ARHGEF10L: variants seen among roughly 807,000 people sequenced by gnomAD.
ARHGEF10L encodes the protein Rho guanine nucleotide exchange factor 10 like.
ARHGEF10L carries 69 observed loss-of-function variants against 141.2 expected under a neutral mutation model. The ratio of observed to expected loss-of-function variants is 0.49; its 90% CI spans 0.40 to 0.60. The LOEUF (loss-of-function observed/expected upper bound fraction) is 0.60. Ranked by LOEUF, ARHGEF10L falls within the 20% of genes least tolerant of loss-of-function variation. ARHGEF10L has a pLI of 0.00. For missense variants in ARHGEF10L, 1,482 were observed against 1,734.3 expected, an observed-to-expected ratio of 0.85 and a Z score of 2.58; for synonymous variants, 711 against 718.5, an observed-to-expected ratio of 0.99 and a Z score of 0.17.
At chr1:17,675,720 G>T (rs979587586) in intron 26 of ARHGEF10L, among the ~76,000 whole-genome samples, 5 of 149,428 alleles carry the variant, frequency 3.3e-5, no homozygotes, top group African/African-American at 1.2e-4. Context: ...GCAGGCCTGT[G>T]TGCAGGTGTG....
chr1:17,555,512 T>C (rs747097424), intron 1 of ARHGEF10L, among the ~76,000 whole-genome samples: 26 of 152,146 alleles, frequency 1.7e-4, no homozygotes, highest in Non-Finnish European at 3.2e-4. Context: ...CACACCACCA[T>C]GCCCAGATAA....
At chr1:17,624,099 G>A (rs903852841) in intron 12 of ARHGEF10L, among the ~76,000 whole-genome samples, 6 of 152,194 alleles carry the variant, frequency 3.9e-5, no homozygotes, top group Non-Finnish European at 8.8e-5. Context: ...TTGGGCTGCT[G>A]CACTGGGGAT....
At chr1:17,660,778 C>T (rs1335447733) in intron 25 of ARHGEF10L, among the ~76,000 whole-genome samples, 2 of 152,180 alleles carry the variant, frequency 1.3e-5, no homozygotes, top group Non-Finnish European at 2.9e-5. Context: ...GGCTGTCATA[C>T]AGGGGCAGGC....
intron 11 of ARHGEF10L, among the ~76,000 whole-genome samples, 198 bp from the exon 12 acceptor site, chr1:17,622,798 G>T (rs2060175451): frequency 6.6e-6 from 1 of 152,174 alleles, no homozygotes; most frequent in Non-Finnish European, 1.5e-5. Flanking sequence ...AAGCATGGGG[G>T]TGTTGTGTGT....
At position 17,678,796 on chromosome 1, in the gene ARHGEF10L, T is replaced by C. The variant is rs907110647; in HGVS notation, c.3010-8777T>C. Among the ~76,000 whole-genome samples, 5 of 152,248 alleles carry C rather than the reference T, an allele frequency of 3.3e-5. No homozygotes were observed. The East Asian group carries it at 9.6e-4, about 29-fold the overall frequency. ...AGGACAGCGTTCTCTGCAGTGGCAC[T>C]TTCTGTATGCCTTGGTCTGGGTTTT... On this transcript the variant is annotated intron_variant, in intron 26 of 28. Transcript: ENST00000361221.
At chr1:17,624,202 T>C (rs2060259695) in intron 12 of ARHGEF10L, among the ~76,000 whole-genome samples, 185 bp from the exon 13 acceptor site, 1 of 152,156 alleles carries the variant, frequency 6.6e-6, no homozygotes. Context: ...CTCTCTGAGC[T>C]CCATGTCCAC....
In ARHGEF10L at chr1:17,554,636, A is replaced by G. The variant is rs72643594; in HGVS notation, c.-44+14686A>G. On this transcript the variant is annotated intron_variant, in intron 1 of 28. Transcript: ENST00000361221. ...GGTCTTGCTCTGTCGCCCAGGCTGG[A>G]ACACAGTGGCATGATTACAGCTCAC... Among the ~76,000 whole-genome samples, 1,301 of 140,754 alleles carry G rather than the reference A, an allele frequency of 9.2e-3. 10 individuals carry two copies. Among genetic ancestry groups the G allele is most frequent in the Non-Finnish European group, 0.015 (984 of 66,696 alleles). 92.3% of individuals were successfully genotyped at this position (140,754 alleles called of 152,430 possible).
At position 17,644,668 on chromosome 1, in the gene ARHGEF10L, C is replaced by T. The variant is rs775281205; in HGVS notation, c.2273-3886C>T. 1.3e-5 allele frequency among the ~76,000 whole-genome samples: 2 copies of T among 151,952 alleles called. No homozygotes were observed. Among genetic ancestry groups the T allele is most frequent in the Non-Finnish European group, 1.5e-5 (1 of 67,996 alleles). On this transcript the variant is annotated intron_variant, in intron 21 of 28. Transcript: ENST00000361221. This position sits in a 1 kb window ranked among gnomAD's most constrained non-coding sequence, Gnocchi z 4.5. ...AAGGTGGCTTTAAGTTTGGGAAGTTCGGGAAGAGCAGTAAAGGCACGATAC... is the reference window on the plus strand; with the variant it reads ...AAGGTGGCTTTAAGTTTGGGAAGTTTGGGAAGAGCAGTAAAGGCACGATAC...
rs772022323 is a variant in ARHGEF10L, at chr1:17,627,535, C to T, written c.1584+32C>T. 2 of 1,603,152 alleles carry T rather than the reference C, an allele frequency of 1.2e-6. No individual in the cohort carries two copies. The highest frequency in any genetic ancestry group is 4.5e-5 in the East Asian group (2 of 44,504). On this transcript the variant is annotated intron_variant, in intron 15 of 28. Transcript: ENST00000361221. This position sits in a 1 kb window ranked among gnomAD's most constrained non-coding sequence, Gnocchi z 4.0. ...TGGGCCTCCCACCTGCCTGCCCTCA[C>T]CTGCCTGCCCTCACCTGTGCTCCTG...
chr1:17,669,113 A>G (rs1364528903), intron 26 of ARHGEF10L, among the ~76,000 whole-genome samples: 2 of 152,212 alleles, frequency 1.3e-5, no homozygotes, highest in East Asian at 1.9e-4. Context: ...GAGGAAGGGC[A>G]TTCCTTGCTG....
intron 6 of ARHGEF10L, among the ~76,000 whole-genome samples, chr1:17,606,548 C>A (rs1316844247): frequency 1.3e-5 from 2 of 151,696 alleles, no homozygotes; most frequent in Non-Finnish European, 1.5e-5. Flanking sequence ...CCCATCTCAG[C>A]CTCCCAAAGT....
In ARHGEF10L at chr1:17,656,489, T is replaced by G; in HGVS notation, c.2706-65T>G. On this transcript the variant is annotated intron_variant, in intron 24 of 28. Transcript: ENST00000361221. This position sits in a 1 kb window ranked among gnomAD's most constrained non-coding sequence, Gnocchi z 4.9. ...CTGGGGCCCTCTCCCTAGGAGGGCA[T>G]GGGGGCAGTGAGTGGGTGGGAGTGC... 2 of 1,554,110 alleles carry G rather than the reference T, an allele frequency of 1.3e-6. No homozygotes were observed. The highest frequency in any genetic ancestry group is 2.4e-5 in the South Asian group (2 of 82,028).
At chr1:17,554,613 T>A in intron 1 of ARHGEF10L, among the ~76,000 whole-genome samples, 1 of 131,026 alleles carries the variant, frequency 7.6e-6, no homozygotes, top group South Asian at 2.5e-4. Flanking sequence ...TTTGACAGGG[T>A]CTTGCTCTGT....
At chr1:17,634,467 GC>G (rs1553209577) in intron 16 of ARHGEF10L, 80 bp from the exon 17 acceptor site, 8 of 1,607,806 alleles carry the variant, frequency 5.0e-6, no homozygotes, top group African/African-American at 1.3e-5. Context: ...CCCATGGCTG[GC>G]CCCCAGCGGG....
At chr1:17,651,085 C>T (rs2101967870) in intron 22 of ARHGEF10L, among the ~76,000 whole-genome samples, 2 of 152,298 alleles carry the variant, frequency 1.3e-5, no homozygotes, top group East Asian at 3.9e-4. Context: ...TTTTAAATAA[C>T]TATTCAGTGT....
At chr1:17,526,828 T>C in the ARHGEF10L span, among the ~76,000 whole-genome samples, 1 of 151,434 alleles carries the variant, frequency 6.6e-6, no homozygotes, top group Non-Finnish European at 1.5e-5. Context: ...CGCTTGAGCC[T>C]GTGAGGCAGA....
At chr1:17,544,212 C>G (rs2076835231) in intron 1 of ARHGEF10L, among the ~76,000 whole-genome samples, 1 of 151,894 alleles carries the variant, frequency 6.6e-6, no homozygotes. Flanking sequence ...CTCAGCCTCT[C>G]AAAGTGCTGG....
chr1:17,679,709 G>T (rs534784897), intron 26 of ARHGEF10L, among the ~76,000 whole-genome samples: 1 of 152,218 alleles, frequency 6.6e-6, no homozygotes, highest in Admixed American at 6.5e-5. Context: ...CGTGCAGAGC[G>T]GACGTGACCC....
At chr1:17,624,565 G>A (rs1463962949) in intron 13 of ARHGEF10L, 62 bp downstream of exon 13, 1 of 1,417,626 alleles carries the variant, frequency 7.1e-7, no homozygotes, top group East Asian at 2.3e-5. Context: ...TCAGGAGGAA[G>A]GGAGCATTTT....
Sources: allele counts gnomAD v4.1 joint callset (sites outside exome capture counted in the v4.1 genomes callset), GRCh38; gene constraint gnomAD v4.1.1; non-coding constraint Gnocchi (gnomAD v3.1); transcripts MANE v1.5; gene names NCBI Gene and HGNC (gene_info 2026-07-23, HGNC 2026-07-21).